ITGB3BP: variants seen among roughly 807,000 people sequenced by gnomAD.
ITGB3BP encodes integrin subunit beta 3 binding protein, also known as centromere protein R.
A neutral mutation model predicts 29.1 loss-of-function variants in ITGB3BP; 27 were observed. That is an observed-to-expected ratio of 0.93 (90% CI 0.68 to 1.28). ITGB3BP has a LOEUF of 1.28. Ranked by LOEUF, ITGB3BP falls within the 50% of genes most tolerant of loss-of-function variation. The pLI is 0.00. For synonymous variants in ITGB3BP, 61 were observed against 61.4 expected (o/e 0.99, Z 0.03); for missense variants, 192 against 200.2 (o/e 0.96, Z 0.25).
Position 63,463,249 on chromosome 1 carries a change from CAAAAAAAA to C in ITGB3BP, c.255-8289_255-8282del, listed in dbSNP as rs10693054. Reference sequence around the variant, plus strand: ...GGGCAACAAGAGCGAAACTCTGTCTCAAAAAAAAAAAAAAAAAAAAAAGTCCTATACAA... The same window carrying C: ...GGGCAACAAGAGCGAAACTCTGTCTCAAAAAAAAAAAAAAGTCCTATACAA... On this transcript the variant is annotated intron_variant, in intron 4 of 8. Transcript: ENST00000271002. 7.2e-3 allele frequency among the ~76,000 whole-genome samples: 554 copies of C among 77,140 alleles called. 6 individuals are homozygous for C. Among genetic ancestry groups the C allele is most frequent in the African/African-American group, 0.026 (507 of 19,346 alleles). 50.6% of individuals were successfully genotyped at this position (77,140 alleles called of 152,430 possible).
intron 2 of ITGB3BP, 101 bp from the exon 3 acceptor site, chr1:63,490,319 C>G (rs922825773): frequency 1.1e-5 from 8 of 736,042 alleles, no homozygotes; most frequent in Non-Finnish European, 1.7e-5. Flanking sequence ...AACTTGTTTC[C>G]TTGCTCTTGC....
At chr1:63,473,998 C>T (rs1405586117) in intron 4 of ITGB3BP, among the ~76,000 whole-genome samples, 2 of 5,528 alleles carry the variant, frequency 3.6e-4, no homozygotes, top group African/African-American at 4.0e-4. Flanking sequence ...CCTGGCCAGC[C>T]GCCCCGTCCG....
At chr1:63,465,068 A>G (rs1645076166) in intron 4 of ITGB3BP, among the ~76,000 whole-genome samples, 1 of 152,218 alleles carries the variant, frequency 6.6e-6, no homozygotes, top group Non-Finnish European at 1.5e-5. Flanking sequence ...AACAGTAATT[A>G]TATCAATGTT....
upstream of ITGB3BP, among the ~76,000 whole-genome samples, chr1:63,527,056 C>A (rs1570368876): frequency 1.3e-5 from 2 of 152,192 alleles, no homozygotes; most frequent in South Asian, 4.1e-4. Flanking sequence ...TGAGCCACCA[C>A]GCCTGGCCAA....
In ITGB3BP at chr1:63,454,423, T is replaced by G. The variant is rs538908072; in HGVS notation, c.384A>C (p.Ala128=). 246 of 1,604,992 alleles carry G rather than the reference T, an allele frequency of 1.5e-4. No individual in the cohort carries two copies. The South Asian group carries it at 1.7e-3, about 11-fold the overall frequency. The change falls in exon 6 of 9, where the codon GCA becomes GCC. Residue 128 remains alanine (A), a synonymous_variant. Transcript: ENST00000271002. The surrounding 1 kb of genome is among the most constrained non-coding windows in gnomAD (Gnocchi z 4.1). ...ELENLIGISC[A]SHFLKREMQK... The stretch of plus-strand genomic sequence containing the variant: ...GCATTTCTCTTTTTAAGAAATGTGA[T>G]GCACAGGAGATTCCAATGAGATTTT...
At chr1:63,475,013 C>T (rs1295624382) in intron 4 of ITGB3BP, among the ~76,000 whole-genome samples, 3 of 152,206 alleles carry the variant, frequency 2.0e-5, no homozygotes, top group Non-Finnish European at 2.9e-5. Flanking sequence ...CTCACCCGGT[C>T]GCTTAGGCTG....
intron 4 of ITGB3BP, chr1:63,458,439 T>A (rs553107724): frequency 6.6e-6 from 1 of 152,134 alleles, no homozygotes; most frequent in East Asian, 1.9e-4. Flanking sequence ...AAGCAGGTGT[T>A]AGCAAGCATT....
intron 1 of ITGB3BP, among the ~76,000 whole-genome samples, chr1:63,510,374 CTAAA>C (rs1646174385): frequency 6.6e-6 from 1 of 151,972 alleles, no homozygotes. Flanking sequence ...GACAAAGTAA[CTAAA>C]TGTTTGCTTT....
chr1:63,478,112 G>A (rs1227109860), intron 4 of ITGB3BP, among the ~76,000 whole-genome samples: 2 of 152,054 alleles, frequency 1.3e-5, no homozygotes, highest in African/African-American at 4.8e-5. Flanking sequence ...TACTATATTG[G>A]TTTAGGAAAT....
chr1:63,493,033 C>T (rs1645689659), intron 2 of ITGB3BP, among the ~76,000 whole-genome samples: 1 of 151,478 alleles, frequency 6.6e-6, no homozygotes, highest in Non-Finnish European at 1.5e-5. Context: ...ATCACTTAAA[C>T]CCAGGAAGTT....
intron 2 of ITGB3BP, among the ~76,000 whole-genome samples, chr1:63,505,834 T>G (rs1390806089): frequency 6.6e-6 from 1 of 152,228 alleles, no homozygotes; most frequent in Admixed American, 6.5e-5. Context: ...TTGAGTGAGT[T>G]TCTTAATCCT....
chr1:63,499,378 C>T (rs1355022431), intron 2 of ITGB3BP, among the ~76,000 whole-genome samples: 6 of 151,930 alleles, frequency 3.9e-5, no homozygotes, highest in Admixed American at 2.0e-4. Flanking sequence ...CTCGAACTCC[C>T]GGCCTCAGGT....
chr1:63,484,176 A>G (rs1645486500), intron 3 of ITGB3BP, among the ~76,000 whole-genome samples: 1 of 152,194 alleles, frequency 6.6e-6, no homozygotes, highest in Non-Finnish European at 1.5e-5. Flanking sequence ...TCCCTAAACA[A>G]TACAGTATAA....
chr1:63,471,689 GA>G (rs1645200104), intron 4 of ITGB3BP, among the ~76,000 whole-genome samples: 1 of 152,200 alleles, frequency 6.6e-6, no homozygotes, highest in Non-Finnish European at 1.5e-5. Context: ...ATCTTTTGTA[GA>G]GAAAAGGATA....
At chr1:63,492,790 CAA>C (rs1645682035) in intron 2 of ITGB3BP, among the ~76,000 whole-genome samples, 1 of 151,742 alleles carries the variant, frequency 6.6e-6, no homozygotes, top group Non-Finnish European at 1.5e-5. Flanking sequence ...CAAAACAAAA[CAA>C]AAAACAAAAA....
At chr1:63,490,354 C>T (rs183030566) in intron 2 of ITGB3BP, 136 bp from the exon 3 acceptor site, 10 of 596,702 alleles carry the variant, frequency 1.7e-5, no homozygotes, top group African/African-American at 3.8e-5. Flanking sequence ...ATATACTCAA[C>T]TATCACTCTC....
intron 4 of ITGB3BP, among the ~76,000 whole-genome samples, chr1:63,460,410 T>A (rs1167617106): frequency 1.3e-5 from 2 of 152,252 alleles, no homozygotes; most frequent in Non-Finnish European, 2.9e-5. Context: ...TTTGTCCTTA[T>A]GTGTCTGGCT....
intron 1 of ITGB3BP, 79 bp from the exon 2 acceptor site, chr1:63,508,649 TAAAC>T: frequency 1.6e-6 from 1 of 625,628 alleles, no homozygotes; most frequent in Non-Finnish European, 2.7e-6. Context: ...GGAAGATATA[TAAAC>T]AAAGATTCTT....
chr1:63,491,954 A>G (rs1645657812), intron 2 of ITGB3BP, among the ~76,000 whole-genome samples: 1 of 152,012 alleles, frequency 6.6e-6, no homozygotes, highest in Non-Finnish European at 1.5e-5. Flanking sequence ...CATTTATCCA[A>G]TCCCTACTCT....
Sources: gnomAD v4.1 joint callset for allele counts (sites outside exome capture counted in the v4.1 genomes callset) on GRCh38, gnomAD v4.1.1 for gene constraint, Gnocchi (gnomAD v3.1) non-coding constraint, MANE v1.5 for transcripts, NCBI Gene and HGNC (gene_info 2026-07-23, HGNC 2026-07-21) for gene names.